The following GALNTL6 variants were observed in gnomAD, a reference collection of about 807,000 sequenced individuals.
GALNTL6 encodes polypeptide N-acetylgalactosaminyltransferase-like 6.
GALNTL6 carries 46 observed loss-of-function variants against 73.7 expected under a neutral mutation model. The ratio of observed to expected loss-of-function variants is 0.62; its 90% CI spans 0.49 to 0.80. The LOEUF (loss-of-function observed/expected upper bound fraction) is 0.80, where lower values mean the gene tolerates loss of function less well. GALNTL6 is among the 30% of genes least tolerant of loss of function. GALNTL6 has a pLI of 0.00. For synonymous variants in GALNTL6, 259 were observed against 263.7 expected, an observed-to-expected ratio of 0.98 and a Z score of 0.17; for missense variants, 604 against 755.0, an observed-to-expected ratio of 0.80 and a Z score of 2.34.
chr4:172,953,564 G>T (rs1283247955), intron 10 of GALNTL6, among the ~76,000 whole-genome samples: 1 of 152,200 alleles, frequency 6.6e-6, no homozygotes, highest in Non-Finnish European at 1.5e-5. Context: ...GGTAGGAGAG[G>T]CCAGAGGACT....
chr4:172,642,241 A>G (rs1249735730), intron 5 of GALNTL6, among the ~76,000 whole-genome samples: 1 of 152,076 alleles, frequency 6.6e-6, no homozygotes, highest in African/African-American at 2.4e-5. Context: ...TATTCAAAGG[A>G]AATGAAATTC....
chr4:172,105,735 C>T (rs1579144323), intron 2 of GALNTL6, among the ~76,000 whole-genome samples: 1 of 151,906 alleles, frequency 6.6e-6, no homozygotes. Context: ...ATGAGAAAAA[C>T]TCATTCAAAA....
intron 2 of GALNTL6, among the ~76,000 whole-genome samples, chr4:171,897,481 C>T (rs943522672): frequency 6.6e-6 from 1 of 152,078 alleles, no homozygotes; most frequent in Non-Finnish European, 1.5e-5. Flanking sequence ...GTTAAATGGA[C>T]TTTATCCAAA....
intron 8 of GALNTL6, among the ~76,000 whole-genome samples, chr4:172,897,484 T>C (rs1012373118): frequency 2.6e-5 from 4 of 152,224 alleles, no homozygotes; most frequent in African/African-American, 9.6e-5. Context: ...AGTGGGCAGA[T>C]GAGCCTTTCA....
intron 12 of GALNTL6, among the ~76,000 whole-genome samples, chr4:173,023,535 T>A (rs1279280962): frequency 6.6e-6 from 1 of 152,176 alleles, no homozygotes; most frequent in Non-Finnish European, 1.5e-5. Context: ...TGCATGCCTA[T>A]AGTCCCAGCT....
chr4:171,932,927 C>A (rs1287101408), intron 2 of GALNTL6, among the ~76,000 whole-genome samples: 2 of 152,164 alleles, frequency 1.3e-5, no homozygotes, highest in Non-Finnish European at 2.9e-5. Context: ...TGTCTTAAAT[C>A]CTTGTGCTCA....
intron 2 of GALNTL6, among the ~76,000 whole-genome samples, chr4:171,985,817 A>G (rs191350619): frequency 1.0e-3 from 153 of 151,790 alleles, no homozygotes; most frequent in Admixed American, 3.4e-3. Flanking sequence ...AGGTGGGTGG[A>G]TCACAAGGTC....
At chr4:171,858,821 T>C (rs998968474) in intron 2 of GALNTL6, among the ~76,000 whole-genome samples, 25 of 152,084 alleles carry the variant, frequency 1.6e-4, no homozygotes, top group African/African-American at 6.0e-4. Flanking sequence ...TGCATACAAC[T>C]ATAAAGCTCA....
intron 5 of GALNTL6, among the ~76,000 whole-genome samples, chr4:172,495,943 T>G (rs1212628937): frequency 6.6e-6 from 1 of 152,224 alleles, no homozygotes; most frequent in Non-Finnish European, 1.5e-5. Context: ...TGACTATCCC[T>G]TATCAAAACA....
At chr4:172,107,086 T>C (rs1732695571) in intron 2 of GALNTL6, among the ~76,000 whole-genome samples, 2 of 152,206 alleles carry the variant, frequency 1.3e-5, no homozygotes, top group South Asian at 4.1e-4. Flanking sequence ...TTGGTCAGGC[T>C]GGTCTTGAAC....
At chr4:172,266,131 A>G (rs1579314691) in intron 3 of GALNTL6, 2 of 152,094 alleles carry the variant, frequency 1.3e-5, no homozygotes, top group Admixed American at 1.3e-4. Flanking sequence ...TAATTTTACT[A>G]TGTAACTAGA....
Position 172,160,123 on chromosome 4 carries a change from G to T in GALNTL6, c.139-69533G>T, listed in dbSNP as rs192442871. 1.6e-4 allele frequency among the ~76,000 whole-genome samples: 24 copies of T among 152,050 alleles called. No homozygotes were observed. In the East Asian group the frequency reaches 3.5e-3, roughly 22 times the overall value. On this transcript the variant is annotated intron_variant, in intron 2 of 12. Transcript: ENST00000506823. ...GAGATATTTGTGAGATGTGCTGAAA[G>T]ATACATCAATAGGCAGTTGTGTGTG...
chr4:172,274,536 C>A (rs537371509), intron 3 of GALNTL6, among the ~76,000 whole-genome samples: 2 of 152,146 alleles, frequency 1.3e-5, no homozygotes, highest in Non-Finnish European at 2.9e-5. Flanking sequence ...TTGTTCATAT[C>A]TTTCTCTCTA....
chr4:172,856,593 CT>C (rs1744132718), intron 7 of GALNTL6, among the ~76,000 whole-genome samples: 1 of 152,146 alleles, frequency 6.6e-6, no homozygotes, highest in Non-Finnish European at 1.5e-5. Context: ...AAACAATCTC[CT>C]TCTTTTTGTG....
intron 5 of GALNTL6, among the ~76,000 whole-genome samples, chr4:172,642,422 C>A (rs1448627700): frequency 6.6e-6 from 1 of 151,938 alleles, no homozygotes; most frequent in Non-Finnish European, 1.5e-5. Flanking sequence ...GAAATCCTGT[C>A]ATTTGCAACA....
chr4:171,901,003 G>A (rs1042505340), intron 2 of GALNTL6, among the ~76,000 whole-genome samples: 2 of 152,142 alleles, frequency 1.3e-5, no homozygotes, highest in African/African-American at 4.8e-5. Context: ...GTCCAAAACA[G>A]GCCAGGAAGA....
At chr4:172,283,736 A>G (rs1739145286) in intron 3 of GALNTL6, among the ~76,000 whole-genome samples, 1 of 152,168 alleles carries the variant, frequency 6.6e-6, no homozygotes, top group African/African-American at 2.4e-5. Context: ...AAATGTATTA[A>G]AAATTCAGGC....
At position 173,039,201 on chromosome 4, in the gene GALNTL6, G is replaced by C. The variant is rs1438475987; in HGVS notation, c.1639-732G>C. On this transcript the variant is annotated intron_variant, in intron 12 of 12. Transcript: ENST00000506823. ...TGGGGGCTTTTTTAAAATGAATGTT[G>C]CCTCCTCCATTTTGCAGAAAGCAAT... 2.0e-5 allele frequency among the ~76,000 whole-genome samples: 3 copies of C among 152,096 alleles called. No individual in the cohort carries two copies. The East Asian group carries it at 5.8e-4, about 29-fold the overall frequency.
chr4:172,152,467 A>G (rs574420209), intron 2 of GALNTL6, among the ~76,000 whole-genome samples: 2 of 152,358 alleles, frequency 1.3e-5, no homozygotes, highest in African/African-American at 4.8e-5. Flanking sequence ...CCACACTCAC[A>G]TGTGAGCTTC....
Sources: gnomAD v4.1 joint callset for allele counts (sites outside exome capture counted in the v4.1 genomes callset) on GRCh38, gnomAD v4.1.1 for gene constraint, MANE v1.5 for transcripts, NCBI Gene and HGNC (gene_info 2026-07-23, HGNC 2026-07-21) for gene names.